Variants in MACROD1 observed in about 807,000 individuals in gnomAD.
MACROD1 encodes mono-ADP ribosylhydrolase 1, also known as ADP-ribose glycohydrolase MACROD1.
In MACROD1, 31 loss-of-function variants were observed where a neutral mutation model predicts 41.4. The observed-to-expected ratio is 0.75, with a 90% CI of 0.56 to 1.01. The LOEUF is 1.01. Among genes scored for constraint, MACROD1 ranks in the 50% least tolerant of loss-of-function variants. MACROD1 has a pLI of 0.00. For synonymous variants in MACROD1, 252 were observed against 203.4 expected, an observed-to-expected ratio of 1.24 and a Z score of -2.03; for missense variants, 473 against 460.0, an observed-to-expected ratio of 1.03 and a Z score of -0.26.
At chr11:64,106,185 C>T (rs1263987439) in intron 3 of MACROD1, among the ~76,000 whole-genome samples, 3 of 152,136 alleles carry the variant, frequency 2.0e-5, no homozygotes, top group East Asian at 1.9e-4. Context: ...CTCCAGACAT[C>T]GAGTCTGAGG....
At chr11:64,020,311 T>C (rs150803116) in intron 3 of MACROD1, among the ~76,000 whole-genome samples, 1 of 152,266 alleles carries the variant, frequency 6.6e-6, no homozygotes, top group Non-Finnish European at 1.5e-5. Flanking sequence ...ATGAGGACGC[T>C]GAGACACGGA....
chr11:64,052,366 G>A (rs1193142316), intron 3 of MACROD1, among the ~76,000 whole-genome samples: 1 of 152,152 alleles, frequency 6.6e-6, no homozygotes, highest in East Asian at 1.9e-4. Flanking sequence ...TAAAGAGATG[G>A]GAGTCTCACT....
intron 3 of MACROD1, among the ~76,000 whole-genome samples, chr11:64,138,706 G>A (rs1945366974): frequency 6.6e-6 from 1 of 152,182 alleles, no homozygotes; most frequent in Non-Finnish European, 1.5e-5. Flanking sequence ...CGGGGAGGAG[G>A]AGAGTGGGGA....
chr11:64,045,429 A>T (rs1307788199), intron 3 of MACROD1, among the ~76,000 whole-genome samples: 1 of 152,220 alleles, frequency 6.6e-6, no homozygotes, highest in Non-Finnish European at 1.5e-5. Context: ...TGAAGAGCGC[A>T]GGAGAGAGGA....
rs535609946 is a variant in MACROD1, at chr11:64,107,334, T to C, written c.517+43905A>G. 9.2e-5 allele frequency among the ~76,000 whole-genome samples: 14 copies of C among 152,278 alleles called. No homozygotes were observed. The South Asian group carries it at 2.9e-3, about 32-fold the overall frequency. Reference sequence around the variant, plus strand: ...AGGAACAAAATTACACGTGTCTCCTTTCATCCCCCCACCCCCTCCTGGCCT... The same window carrying C: ...AGGAACAAAATTACACGTGTCTCCTCTCATCCCCCCACCCCCTCCTGGCCT... On this transcript the variant is annotated intron_variant, in intron 3 of 10. Transcript: ENST00000255681.
At chr11:64,157,293 G>C (rs530695616) in intron 1 of MACROD1, among the ~76,000 whole-genome samples, 9 of 152,124 alleles carry the variant, frequency 5.9e-5, no homozygotes, top group Admixed American at 3.9e-4. Flanking sequence ...GGGGTTTCAC[G>C]ATGTTGCCCA....
At position 64,083,751 on chromosome 11, in the gene MACROD1, C is replaced by T. The variant is rs374692122; in HGVS notation, c.517+67488G>A. Among the ~76,000 whole-genome samples, 7 of 152,162 alleles carry T rather than the reference C, an allele frequency of 4.6e-5. No individual in the cohort carries two copies. In the East Asian group the frequency reaches 7.7e-4, roughly 17 times the overall value. On this transcript the variant is annotated intron_variant, in intron 3 of 10. Coordinates refer to ENST00000255681, the MANE Select transcript of MACROD1 (RefSeq NM_014067.4). Reference sequence around the variant, plus strand: ...TCTGCTAGTGTGTGGAATGGGGGTTCGGTGACTCCTGAAGGGCCCCAGCCC... The same window carrying T: ...TCTGCTAGTGTGTGGAATGGGGGTTTGGTGACTCCTGAAGGGCCCCAGCCC...
chr11:64,012,556 ATGCCCAGCTAATTT>A (rs1943030347), intron 4 of MACROD1, among the ~76,000 whole-genome samples: 1 of 152,046 alleles, frequency 6.6e-6, no homozygotes, highest in African/African-American at 2.4e-5. Flanking sequence ...GTGTACCACC[ATGCCCAGCTAATTT>A]TTGTATTTTT....
chr11:64,050,640 C>G (rs1943675526), intron 3 of MACROD1, among the ~76,000 whole-genome samples: 1 of 152,224 alleles, frequency 6.6e-6, no homozygotes, highest in African/African-American at 2.4e-5. Context: ...CATGGCCCAG[C>G]TGACTTTCAC....
chr11:63,999,794 G>T (rs1336829498), intron 5 of MACROD1, 31 bp from the exon 6 acceptor site: 1 of 1,590,170 alleles, frequency 6.3e-7, no homozygotes, highest in Admixed American at 1.7e-5. Flanking sequence ...AGACCGGCGG[G>T]GGTCTACGCG....
At chr11:64,137,733 G>A (rs1212632255) in intron 3 of MACROD1, among the ~76,000 whole-genome samples, 1 of 152,178 alleles carries the variant, frequency 6.6e-6, no homozygotes, top group Non-Finnish European at 1.5e-5. Context: ...AGGGCAGAGA[G>A]CAGGCCGTGA....
At chr11:64,144,122 C>T (rs1038316867) in intron 3 of MACROD1, among the ~76,000 whole-genome samples, 1 of 151,604 alleles carries the variant, frequency 6.6e-6, no homozygotes, top group African/African-American at 2.4e-5. Flanking sequence ...TCACTCCAGA[C>T]CCCTCAGAGC....
Position 64,122,295 on chromosome 11 carries a change from G to T in MACROD1, c.517+28944C>A, listed in dbSNP as rs543160360. ...AACATGGTGCATGCGGCGGCCAGGG[G>T]CCTCCCTGACACAGGGCCAGGATGC... On this transcript the variant is annotated intron_variant, in intron 3 of 10. Transcript: ENST00000255681. This position sits in a 1 kb window ranked among gnomAD's most constrained non-coding sequence, Gnocchi z 4.0. 1.3e-5 allele frequency among the ~76,000 whole-genome samples: 2 copies of T among 152,352 alleles called. No individual in the cohort carries two copies. The highest frequency in any genetic ancestry group is 4.8e-5 in the African/African-American group (2 of 41,586).
At chr11:64,125,126 C>T (rs925146371) in intron 3 of MACROD1, among the ~76,000 whole-genome samples, 5 of 148,600 alleles carry the variant, frequency 3.4e-5, no homozygotes, top group African/African-American at 4.9e-5. Context: ...CTGAAATGCC[C>T]GGCCTGTGCC....
intron 3 of MACROD1, among the ~76,000 whole-genome samples, chr11:64,124,779 CAA>C (rs779948304): frequency 2.6e-5 from 4 of 152,158 alleles, no homozygotes; most frequent in Non-Finnish European, 5.9e-5. Flanking sequence ...CTCCCGGGTT[CAA>C]GTGATTCTCC....
chr11:64,085,745 T>C (rs1457515752), intron 3 of MACROD1, among the ~76,000 whole-genome samples: 1 of 152,134 alleles, frequency 6.6e-6, no homozygotes, highest in Non-Finnish European at 1.5e-5. Context: ...GTGTTGTCCA[T>C]TGGGGGCCTG....
At chr11:64,149,012 C>T (rs1945536040) in intron 3 of MACROD1, 3 of 985,218 alleles carry the variant, frequency 3.0e-6, no homozygotes, top group African/African-American at 1.7e-5. Context: ...AGGCGGGTAC[C>T]GGGTCCTCCT....
At chr11:64,007,171 C>CA (rs1942926430) in intron 4 of MACROD1, among the ~76,000 whole-genome samples, 1 of 152,226 alleles carries the variant, frequency 6.6e-6, no homozygotes, top group African/African-American at 2.4e-5. Context: ...CAAACTCTAC[C>CA]ATTCAAAAAA....
intron 3 of MACROD1, among the ~76,000 whole-genome samples, chr11:64,147,678 C>T (rs1399468271): frequency 6.6e-6 from 1 of 151,936 alleles, no homozygotes; most frequent in South Asian, 2.1e-4. Flanking sequence ...CCTGTCTCAG[C>T]CTCCCAAAGT....
Sources: gnomAD v4.1 joint callset for allele counts (sites outside exome capture counted in the v4.1 genomes callset) on GRCh38, gnomAD v4.1.1 for gene constraint, Gnocchi (gnomAD v3.1) non-coding constraint, MANE v1.5 for transcripts, NCBI Gene and HGNC (gene_info 2026-07-23, HGNC 2026-07-21) for gene names.